WDR90: variants seen among roughly 807,000 people sequenced by gnomAD.
The protein encoded by WDR90 is WD repeat-containing protein 90.
Under a neutral mutation model 195.2 loss-of-function variants are expected in WDR90, and 238 were observed. The ratio of observed to expected loss-of-function variants is 1.22; its 90% CI spans 1.10 to 1.36. The LOEUF (loss-of-function observed/expected upper bound fraction) is 1.36. Ranked by LOEUF, WDR90 falls within the 40% of genes most tolerant of loss-of-function variation. The pLI is 0.00. For synonymous variants in WDR90, 1,265 were observed against 1,052.4 expected, an observed-to-expected ratio of 1.20 and a Z score of -3.91; for missense variants, 2,734 against 2,439.5, an observed-to-expected ratio of 1.12 and a Z score of -2.54.
chr16:655,147 G>C lies in WDR90; in HGVS notation c.1556G>C (p.Arg519Thr), dbSNP rs769382317. The C allele has an allele frequency of 5.6e-6, 9 of 1,612,634 alleles. No individual in the cohort carries two copies. Among genetic ancestry groups the C allele is most frequent in the South Asian group, 3.3e-5 (3 of 91,082 alleles). ...CGGGTCACCTTTTTTGATGAAACCA[G>C]GTGATGCAGCCGCCCATCCACGATG... The part of the protein sequence containing the change: ...AFRVTFFDET[R>T]MASCGQGSVR... The change falls in exon 14 of 41, where the codon AGG (arginine) becomes ACG (threonine). Residue 519 changes from arginine to threonine, a missense_variant and splice_region_variant. Arg to Thr is a moderately conservative substitution (Grantham distance 71). Transcript: ENST00000293879.
Position 658,635 on chromosome 16 carries a change from G to C in WDR90, c.2877G>C (p.Gln959His), listed in dbSNP as rs778798291. The C allele has an allele frequency of 1.2e-6, 2 of 1,611,154 alleles. No homozygotes were observed. Among genetic ancestry groups the C allele is most frequent in the Non-Finnish European group, 1.7e-6 (2 of 1,178,818 alleles). Residue 959 changes from glutamine to histidine, a missense_variant, in exon 23 of 41, where the codon CAG (glutamine) becomes CAC (histidine). Coordinates refer to ENST00000293879, the MANE Select transcript of WDR90 (RefSeq NM_145294.5). ...TCAAGGTGTGGGACTACGCCACACAGGCCAGCCCAGGCCCCCAGGTGTGTG... is the reference window on the plus strand; with the variant it reads ...TCAAGGTGTGGGACTACGCCACACACGCCAGCCCAGGCCCCCAGGTGTGTG... ...RTIKVWDYAT[Q>H]ASPGPQVYIG...
Position 657,078 on chromosome 16 carries a change from G to A in WDR90, c.2343-13G>A. On this transcript the variant is annotated splice_polypyrimidine_tract_variant and intron_variant, in intron 19 of 40. Coordinates refer to ENST00000293879, the MANE Select transcript of WDR90 (RefSeq NM_145294.5). ...CGGGGCTAGGGCCAGCGGGGTCCCTGTGTGTGCTGCAGGTGCCACCGAGGA... is the reference window on the plus strand; with the variant it reads ...CGGGGCTAGGGCCAGCGGGGTCCCTATGTGTGCTGCAGGTGCCACCGAGGA... 2 of 1,596,950 alleles carry A rather than the reference G, an allele frequency of 1.3e-6. No homozygotes were observed. Among genetic ancestry groups the A allele is most frequent in the Non-Finnish European group, 1.7e-6 (2 of 1,175,714 alleles).
At chr16:651,343 G>A in intron 7 of WDR90, 77 bp downstream of exon 7, 3 of 1,515,944 alleles carry the variant, frequency 2.0e-6, no homozygotes, top group South Asian at 2.3e-5. Flanking sequence ...GGGCAGGGCT[G>A]GGAAAGGACC....
At position 667,687 on chromosome 16, in the gene WDR90, C is replaced by G; in HGVS notation, c.*98C>G. 6.5e-7 allele frequency: 1 copy of G among 1,544,968 alleles called. No homozygotes were observed. ...GCGCCAGGTTGTCAATGGCCTCATG[C>G]TGGGACAGGCCAGGATTCACGTAAA... is the stretch of plus-strand genomic sequence containing the variant. On this transcript the variant is annotated 3_prime_UTR_variant, in exon 41 of 41. Transcript: ENST00000293879.
intron 1 of WDR90, 148 bp from the exon 2 acceptor site, chr16:649,615 C>T: frequency 3.5e-6 from 4 of 1,143,864 alleles, no homozygotes; most frequent in Non-Finnish European, 3.4e-6. Flanking sequence ...CGCCCGGCCT[C>T]GTCCCGCCAG....
intron 20 of WDR90, 35 bp from the exon 21 acceptor site, chr16:657,727 C>T: frequency 1.3e-6 from 2 of 1,511,988 alleles, no homozygotes; most frequent in East Asian, 2.5e-5. Flanking sequence ...CCCGGCACTC[C>T]CCACCCAGCT....
chr16:657,900 C>G lies in WDR90; in HGVS notation c.2604+8C>G. On this transcript the variant is annotated splice_region_variant and intron_variant, in intron 21 of 40. Coordinates refer to ENST00000293879, the MANE Select transcript of WDR90 (RefSeq NM_145294.5). ...TCGGCCTCCCTTGATGAGGTGAGTC[C>G]GCAGCCCTCCTGGGTCCAGGGAGAC... 6.4e-7 allele frequency: 1 copy of G among 1,558,962 alleles called. No homozygotes were observed. The highest frequency in any genetic ancestry group is 8.7e-7 in the Non-Finnish European group (1 of 1,150,800).
rs1335898750 is a variant in WDR90, at chr16:654,966, C to G, written c.1438-63C>G. 5 of 1,539,318 alleles carry G rather than the reference C, an allele frequency of 3.2e-6. No homozygotes were observed. The East Asian group carries it at 9.1e-5, about 28-fold the overall frequency. On this transcript the variant is annotated intron_variant, in intron 13 of 40. Coordinates refer to ENST00000293879, the MANE Select transcript of WDR90 (RefSeq NM_145294.5). ...ACCTCCGGGTGGGGCTCGGCTGGGC[C>G]TTGCAGAATCGAGGTGGCCCCGACT...
At chr16:662,095 C>T (rs376477962) in intron 32 of WDR90, 36 bp downstream of exon 32, 518 of 1,584,604 alleles carry the variant, frequency 3.3e-4, no homozygotes, top group Non-Finnish European at 4.3e-4. Flanking sequence ...GCCCTCAGGA[C>T]CCCTACCTGG....
chr16:657,047 G>C, intron 19 of WDR90, 44 bp from the exon 20 acceptor site: 3 of 1,589,010 alleles, frequency 1.9e-6, no homozygotes, highest in Admixed American at 1.7e-5. Context: ...CATGGTACCT[G>C]GGCTTCGGGG....
At position 666,118 on chromosome 16, in the gene WDR90, A is replaced by G. The variant is rs759446043; in HGVS notation, c.4603A>G (p.Thr1535Ala). ...GGCGCTGACCACTGTTGCCTTCTCC[A>G]CCGATGGTGAGGAGTTGGGTGTGTT... ...PVALTTVAFS[T>A]DGQTVLSGDK... The change falls in exon 36 of 41, where the codon ACC (threonine) becomes GCC (alanine). Residue 1535 changes from threonine (T) to alanine (A), a missense_variant. Coordinates refer to ENST00000293879, the MANE Select transcript of WDR90 (RefSeq NM_145294.5). The G allele has an allele frequency of 1.7e-5, 28 of 1,609,530 alleles. No homozygotes were observed. Among genetic ancestry groups the G allele is most frequent in the Middle Eastern group, 1.6e-4 (1 of 6,076 alleles).
At position 667,808 on chromosome 16, in the gene WDR90, A is replaced by C. The variant is rs1368236050; in HGVS notation, c.*219A>C. 1 of 683,988 alleles carries C rather than the reference A, an allele frequency of 1.5e-6. No individual in the cohort carries two copies. The highest frequency in any genetic ancestry group is 2.2e-5 in the Admixed American group (1 of 45,460). 42.4% of individuals were successfully genotyped at this position (683,988 alleles called of 1,614,324 possible). The stretch of plus-strand genomic sequence containing the variant: ...GAAATCTTTAATGTTTCTATCTTGT[A>C]ATAAACATGGGCATTTATTGCATTA... On this transcript the variant is annotated 3_prime_UTR_variant, in exon 41 of 41. Coordinates refer to ENST00000293879, the MANE Select transcript of WDR90 (RefSeq NM_145294.5).
chr16:657,656 CTGG>C (rs2037789058), intron 20 of WDR90, 103 bp from the exon 21 acceptor site: 3 of 1,387,728 alleles, frequency 2.2e-6, no homozygotes, highest in Non-Finnish European at 2.8e-6. Flanking sequence ...TGCTCCGGGG[CTGG>C]TGTTTCCCGA....
At chr16:664,561 T>C (rs2037984681) in intron 34 of WDR90, among the ~76,000 whole-genome samples, 1 of 152,194 alleles carries the variant, frequency 6.6e-6, no homozygotes, top group Non-Finnish European at 1.5e-5. Context: ...TGGTTCTGCC[T>C]GGGCGGTTCT....
rs1019364471 is a variant in WDR90, at chr16:654,908, C to T, written c.1438-121C>T. The T allele has an allele frequency of 4.5e-6, 4 of 896,376 alleles. No individual in the cohort carries two copies. In the Admixed American group the frequency reaches 8.9e-5, roughly 20 times the overall value. The allele number at this position is 896,376 out of a possible 1,614,324, so 55.5% of individuals were successfully genotyped here. A position where few individuals can be genotyped will look rare whatever the true frequency, so the allele number is the denominator to read the frequency against. On this transcript the variant is annotated intron_variant, in intron 13 of 40. Transcript: ENST00000293879. ...TCCTTCCACTCTCCACGGCCGCACG[C>T]TCAGAGGCTGGTCTCCGCATGAGAG... is the stretch of plus-strand genomic sequence containing the variant.
chr16:665,702 C>A lies in WDR90; in HGVS notation c.4335C>A (p.Pro1445=), dbSNP rs199511633. The A allele has an allele frequency of 6.2e-7, 1 of 1,612,630 alleles. No homozygotes were observed. Among genetic ancestry groups the A allele is most frequent in the Non-Finnish European group, 8.5e-7 (1 of 1,179,874 alleles). ...AGGTGAACGAGGTGGTCTTCAGCCC[C>A]GGGGAGTCCCACTGCGCCACATGCA... ...RSKVNEVVFS[P]GESHCATCSE... The change falls in exon 35 of 41, where the codon CCC becomes CCA. Residue 1445 remains proline, a synonymous_variant. Transcript: ENST00000293879.
rs765923809 is a variant in WDR90, at chr16:649,389, C to G, written c.-28C>G. 1.1e-5 allele frequency: 14 copies of G among 1,325,960 alleles called. No individual in the cohort carries two copies. In the South Asian group the frequency reaches 2.6e-4, roughly 24 times the overall value. The allele number at this position is 1,325,960 out of a possible 1,614,324, so 82.1% of individuals were successfully genotyped here. A position where few individuals can be genotyped will look rare whatever the true frequency, so the allele number is the denominator to read the frequency against. ...TACTCTGCGCTGGGCGCGCGGAGGC[C>G]TAGGCGGGAAGCTCGAGCGGCGGCG... On this transcript the variant is annotated 5_prime_UTR_variant, in exon 1 of 41. Coordinates refer to ENST00000293879, the MANE Select transcript of WDR90 (RefSeq NM_145294.5).
Position 666,069 on chromosome 16 carries a change from G to T in WDR90, c.4554G>T (p.Glu1518Asp). The T allele has an allele frequency of 6.2e-7, 1 of 1,609,092 alleles. No individual in the cohort carries two copies. Among genetic ancestry groups the T allele is most frequent in the Admixed American group, 1.7e-5 (1 of 60,012 alleles). The change falls in exon 36 of 41, where the codon GAG (glutamate) becomes GAT (aspartate). Residue 1518 changes from glutamate (E) to aspartate (D), a missense_variant. Transcript: ENST00000293879. ...RIFSVSRTAMELKMHPHPVAL... is the reference protein window; with the variant it reads ...RIFSVSRTAMDLKMHPHPVAL... ...TCAGCGTCTCCCGCACGGCCATGGA[G>T]CTCAAGATGCACCCCCACCCGGTGG...
intron 27 of WDR90, 104 bp downstream of exon 27, chr16:660,265 G>A: frequency 9.3e-7 from 1 of 1,075,674 alleles, no homozygotes; most frequent in Non-Finnish European, 1.3e-6. Flanking sequence ...CGCCAAAGGT[G>A]ATGGCTCTGG....
Sources: gnomAD v4.1 joint callset for allele counts (sites outside exome capture counted in the v4.1 genomes callset) on GRCh38, gnomAD v4.1.1 for gene constraint, MANE v1.5 for transcripts, NCBI Gene and HGNC (gene_info 2026-07-23, HGNC 2026-07-21) for gene names.